The following FAT4 variants were observed in gnomAD, a reference collection of about 807,000 sequenced individuals.
FAT4 encodes protocadherin Fat 4.
Under a neutral mutation model 303.9 loss-of-function variants are expected in FAT4, and 84 were observed. The ratio of observed to expected loss-of-function variants is 0.28; its 90% CI spans 0.23 to 0.33. The LOEUF is 0.33. Ranked by LOEUF, FAT4 falls within the 10% of genes least tolerant of loss-of-function variation. FAT4 has a pLI of 1.00. For missense variants in FAT4, 6,005 were observed against 6,146.8 expected, an observed-to-expected ratio of 0.98 and a Z score of 0.77; for synonymous variants, 2,307 against 2,298.8, an observed-to-expected ratio of 1.00 and a Z score of -0.10.
intron 14 of FAT4, among the ~76,000 whole-genome samples, chr4:125,478,026 T>C (rs1363751319): frequency 6.6e-6 from 1 of 152,186 alleles, no homozygotes; most frequent in Non-Finnish European, 1.5e-5. Context: ...GTGAATGTGC[T>C]ATATTTTAAC....
intron 12 of FAT4, 59 bp from the exon 13 acceptor site, chr4:125,476,112 G>T: frequency 9.9e-7 from 1 of 1,011,094 alleles, no homozygotes; most frequent in Non-Finnish European, 1.5e-6. Flanking sequence ...GTGTTGGCTG[G>T]AAAGGCTAAT....
At chr4:125,455,722 A>G (rs13128061) in intron 10 of FAT4, among the ~76,000 whole-genome samples, 67,062 of 152,024 alleles carry the variant, frequency 0.44, 15,487 homozygotes, top group Middle Eastern at 0.53. Flanking sequence ...CTTGCTATGG[A>G]GTGTTATGGT....
At chr4:125,371,296 A>G (rs1454945872) in intron 2 of FAT4, among the ~76,000 whole-genome samples, 1 of 151,886 alleles carries the variant, frequency 6.6e-6, no homozygotes, top group East Asian at 1.9e-4. Flanking sequence ...TCTGCAAATA[A>G]TTATACAAAT....
At chr4:125,398,619 T>A (rs992789198) in intron 2 of FAT4, among the ~76,000 whole-genome samples, 165 bp from the exon 3 acceptor site, 3 of 152,168 alleles carry the variant, frequency 2.0e-5, no homozygotes, top group Non-Finnish European at 4.4e-5. Context: ...CGTGTAAAGA[T>A]TTCACAACTT....
chr4:125,449,330 A>G lies in FAT4; in HGVS notation c.8320A>G (p.Arg2774Gly), dbSNP rs1267410504. ...NILDENDNAPRFSQIFSAHVP... is the reference protein window; with the variant it reads ...NILDENDNAPGFSQIFSAHVP... ...TTTAGATGAAAATGATAATGCCCCT[A>G]GGTTTTCTCAGATATTTAGTGCCCA... The change falls in exon 10 of 18, where the codon AGG (arginine) becomes GGG (glycine). Residue 2774 changes from arginine (R) to glycine (G), a missense_variant. Physicochemically the swap from Arg to Gly is moderately radical, Grantham distance 125. Transcript: ENST00000394329. 1 of 1,613,926 alleles carries G rather than the reference A, an allele frequency of 6.2e-7. No homozygotes were observed. Among genetic ancestry groups the G allele is most frequent in the Non-Finnish European group, 8.5e-7 (1 of 1,179,908 alleles).
In FAT4 at chr4:125,407,210, C is replaced by T. The variant is rs72912884; in HGVS notation, c.5569+69C>T. The T allele has an allele frequency of 2.0e-4, 281 of 1,390,340 alleles. No homozygotes were observed. In the African/African-American group the frequency reaches 3.2e-3, roughly 16 times the overall value. 86.1% of individuals were successfully genotyped at this position (1,390,340 alleles called of 1,614,324 possible). On this transcript the variant is annotated intron_variant, in intron 4 of 17. Transcript: ENST00000394329. ...TGAACCAAAATTACATACTATGTTT[C>T]GGCTGCTCTTAATCAATGATTAGTT... is the stretch of plus-strand genomic sequence containing the variant.
Position 125,315,054 on chromosome 4 carries a change from CTGTGTGTGTGTGTGTGCGTGTGTATG to C in FAT4, c.-923_-898del, listed in dbSNP as rs901349524. Among the ~76,000 whole-genome samples the C allele has an allele frequency of 1.2e-4, 18 of 150,944 alleles. No homozygotes were observed. Among genetic ancestry groups the C allele is most frequent in the Non-Finnish European group, 2.5e-4 (17 of 67,598 alleles). On this transcript the variant is annotated 5_prime_UTR_variant, in exon 1 of 18. An upstream start codon of the reference 5' UTR is lost. Transcript: ENST00000394329. ...CCTCTGTTTGTGTTTCGGCGACGCG[CTGTGTGTGTGTGTGTGCGTGTGTATG>C]TGTGTGTGTGTGCATGCCTGTGCGG...
At chr4:125,444,092 A>G (rs913256253) in intron 8 of FAT4, among the ~76,000 whole-genome samples, 1 of 152,202 alleles carries the variant, frequency 6.6e-6, no homozygotes, top group Non-Finnish European at 1.5e-5. Context: ...ATAGACAGTC[A>G]TACGGGCAAT....
chr4:125,373,250 G>T (rs796588739), intron 2 of FAT4, among the ~76,000 whole-genome samples: 2 of 152,128 alleles, frequency 1.3e-5, no homozygotes, highest in African/African-American at 4.8e-5. Flanking sequence ...TCAGTGAATT[G>T]TTCAAATCAG....
intron 2 of FAT4, among the ~76,000 whole-genome samples, chr4:125,347,309 C>T (rs1294148994): frequency 1.3e-5 from 2 of 150,656 alleles, no homozygotes; most frequent in East Asian, 3.9e-4. Flanking sequence ...GATAAAAAGA[C>T]CAATCAATTA....
chr4:125,406,767 A>G (rs1268867456), intron 3 of FAT4, 113 bp from the exon 4 acceptor site: 8 of 1,149,182 alleles, frequency 7.0e-6, no homozygotes, highest in Admixed American at 2.3e-5. Flanking sequence ...TTATAATATC[A>G]TATGAACTTA....
chr4:125,377,561 G>A (rs559677049), intron 2 of FAT4, among the ~76,000 whole-genome samples: 33 of 152,202 alleles, frequency 2.2e-4, no homozygotes, highest in African/African-American at 7.7e-4. Context: ...ACTCTTAACT[G>A]AGTACATACT....
intron 2 of FAT4, among the ~76,000 whole-genome samples, chr4:125,335,807 T>C (rs1309416519): frequency 6.6e-6 from 1 of 152,070 alleles, no homozygotes; most frequent in Non-Finnish European, 1.5e-5. Flanking sequence ...GCTGTGTGAC[T>C]TTAAGGGAGA....
rs1242068798 is a variant in FAT4, at chr4:125,339,760, C to G, written c.5175+18174C>G. ...ATCATACAATTAGGAAGACCTAGAGCCAAGATTTCAGCCTAAGCAAAATTC... is the reference window on the plus strand; with the variant it reads ...ATCATACAATTAGGAAGACCTAGAGGCAAGATTTCAGCCTAAGCAAAATTC... On this transcript the variant is annotated intron_variant, in intron 2 of 17. Coordinates refer to ENST00000394329, the MANE Select transcript of FAT4 (RefSeq NM_001291303.3). 3.3e-5 allele frequency among the ~76,000 whole-genome samples: 5 copies of G among 152,106 alleles called. No homozygotes were observed. In the East Asian group the frequency reaches 9.6e-4, roughly 29 times the overall value.
In FAT4 at chr4:125,415,266, C is replaced by T; in HGVS notation, c.6303C>T (p.Thr2101=). The T allele has an allele frequency of 6.2e-7, 1 of 1,614,030 alleles. No individual in the cohort carries two copies. The highest frequency in any genetic ancestry group is 8.5e-7 in the Non-Finnish European group (1 of 1,179,968). The part of the protein sequence containing the change: ...NPLGNKFSIG[T]IDGEVRLTGE... ...TGGGAAACAAGTTCAGTATTGGGACCATTGATGGTGAAGTGAGGCTCACTG... is the reference window on the plus strand; with the variant it reads ...TGGGAAACAAGTTCAGTATTGGGACTATTGATGGTGAAGTGAGGCTCACTG... Residue 2101 remains threonine (T), a synonymous_variant, in exon 6 of 18, where the codon ACC becomes ACT. Coordinates refer to ENST00000394329, the MANE Select transcript of FAT4 (RefSeq NM_001291303.3).
chr4:125,441,227 G>T (rs1406623897), intron 8 of FAT4, among the ~76,000 whole-genome samples: 1 of 152,276 alleles, frequency 6.6e-6, no homozygotes, highest in African/African-American at 2.4e-5. Flanking sequence ...TTTCTTAAGT[G>T]TAGTACCGTA....
At position 125,316,295 on chromosome 4, in the gene FAT4, GTC is replaced by G; in HGVS notation, c.-12-102_-12-101del. 1 of 1,367,518 alleles carries G rather than the reference GTC, an allele frequency of 7.3e-7. No homozygotes were observed. Among genetic ancestry groups the G allele is most frequent in the Non-Finnish European group, 9.9e-7 (1 of 1,013,470 alleles). The allele number at this position is 1,367,518 out of a possible 1,614,324, so 84.7% of individuals were successfully genotyped here. A position where few individuals can be genotyped will look rare whatever the true frequency, so the allele number is the denominator to read the frequency against. On this transcript the variant is annotated intron_variant, in intron 1 of 17. Coordinates refer to ENST00000394329, the MANE Select transcript of FAT4 (RefSeq NM_001291303.3). The surrounding 1 kb of genome is among the most constrained non-coding windows in gnomAD (Gnocchi z 5.7). ...CTGGAGGTTCTTTGAAATAGCAGAG[GTC>G]TCAGACCAAGCCGTCAGCTGAATCT...
At position 125,414,924 on chromosome 4, in the gene FAT4, T is replaced by A; in HGVS notation, c.5961T>A (p.Asp1987Glu). The change falls in exon 6 of 18, where the codon GAT becomes GAA. Residue 1987 changes from aspartate to glutamate, a missense_variant. By Grantham distance (45) the Asp-to-Glu change is conservative. Transcript: ENST00000394329. The stretch of plus-strand genomic sequence containing the variant: ...TGACTTATAGCATTGCTTCAGGTGA[T>A]AGCCTTGGGCAGTTTACTGTTGACA... Reference protein sequence around the residue: ...SQLTYSIASGDSLGQFTVDKN... With the variant: ...SQLTYSIASGESLGQFTVDKN... The A allele has an allele frequency of 6.2e-7, 1 of 1,609,962 alleles. No homozygotes were observed. Among genetic ancestry groups the A allele is most frequent in the Non-Finnish European group, 8.5e-7 (1 of 1,176,762 alleles).
chr4:125,316,926 G>T lies in FAT4; in HGVS notation c.515G>T (p.Arg172Leu). 21 of 1,613,830 alleles carry T rather than the reference G, an allele frequency of 1.3e-5. No individual in the cohort carries two copies. The highest frequency in any genetic ancestry group is 2.2e-5 in the East Asian group (1 of 44,866). ...ATCGGCTCAAACGGTGTGGACCACC[G>T]CTCCTACCGCATCATCCGCGGCAAT... ...SDIGSNGVDH[R>L]SYRIIRGNEA... Residue 172 changes from arginine to leucine, a missense_variant, in exon 2 of 18, where the codon CGC becomes CTC. Physicochemically the swap from Arg to Leu is moderately radical, Grantham distance 102 (BLOSUM62 -2). Transcript: ENST00000394329. The surrounding 1 kb of genome is among the most constrained non-coding windows in gnomAD (Gnocchi z 5.7).
Sources: allele counts gnomAD v4.1 joint callset (sites outside exome capture counted in the v4.1 genomes callset), GRCh38; gene constraint gnomAD v4.1.1; non-coding constraint Gnocchi (gnomAD v3.1); transcripts MANE v1.5; gene names NCBI Gene and HGNC (gene_info 2026-07-23, HGNC 2026-07-21).